Variants in LAMA3 observed in about 807,000 individuals in gnomAD.
LAMA3 encodes laminin subunit alpha 3.
Under a neutral mutation model 402.0 loss-of-function variants are expected in LAMA3, and 281 were observed. The observed-to-expected ratio is 0.70, with a 90% CI of 0.63 to 0.77. The LOEUF (loss-of-function observed/expected upper bound fraction) is 0.77, where lower values mean the gene tolerates loss of function less well. Ranked by LOEUF, LAMA3 falls within the 30% of genes least tolerant of loss-of-function variation. The pLI, the probability that LAMA3 is intolerant of heterozygous loss-of-function variation, is 0.00. For synonymous variants in LAMA3, 1,431 were observed against 1,558.4 expected (o/e 0.92, Z 1.93); for missense variants, 3,840 against 4,215.5 (o/e 0.91, Z 2.47).
At chr18:23,727,380 C>T (rs1307201950) in intron 2 of LAMA3, among the ~76,000 whole-genome samples, 1 of 151,736 alleles carries the variant, frequency 6.6e-6, no homozygotes, top group African/African-American at 2.4e-5. Flanking sequence ...GGCTGGAGGG[C>T]GGTGGCATGA....
intron 38 of LAMA3, among the ~76,000 whole-genome samples, chr18:23,875,969 G>T (rs2064695859): frequency 6.6e-6 from 1 of 152,170 alleles, no homozygotes; most frequent in African/African-American, 2.4e-5. Context: ...ATGACAGGTG[G>T]TTGAAATTAA....
At chr18:23,899,152 C>T (rs1232284197) in intron 46 of LAMA3, 87 bp downstream of exon 46, 1 of 1,299,268 alleles carries the variant, frequency 7.7e-7, no homozygotes, top group Non-Finnish European at 1.1e-6. Flanking sequence ...AAGATTTCAA[C>T]ATTATGAAAA....
chr18:23,838,894 C>G lies in LAMA3; in HGVS notation c.3191+16C>G. The stretch of plus-strand genomic sequence containing the variant: ...TCAATCAAAGGTAATGTGTTTCCTT[C>G]CTGTCTCCCCGTTCATGTTCTGAGT... On this transcript the variant is annotated intron_variant, in intron 26 of 74. Transcript: ENST00000313654. 7.0e-7 allele frequency: 1 copy of G among 1,432,810 alleles called. No individual in the cohort carries two copies. Among genetic ancestry groups the G allele is most frequent in the South Asian group, 1.1e-5 (1 of 87,300 alleles). The allele number at this position is 1,432,810 out of a possible 1,614,324, so 88.8% of individuals were successfully genotyped here. A position where few individuals can be genotyped will look rare whatever the true frequency, so the allele number is the denominator to read the frequency against.
chr18:23,704,497 A>G (rs1421973979), intron 1 of LAMA3, among the ~76,000 whole-genome samples: 1 of 152,230 alleles, frequency 6.6e-6, no homozygotes. Context: ...ATACTTTGAT[A>G]TAAAGTTCAC....
Position 23,909,840 on chromosome 18 carries a change from T to A in LAMA3, c.7158+545T>A, listed in dbSNP as rs1239109407. Among the ~76,000 whole-genome samples the A allele has an allele frequency of 2.0e-5, 3 of 152,348 alleles. No homozygotes were observed. In the East Asian group the frequency reaches 5.8e-4, roughly 29 times the overall value. Reference sequence around the variant, plus strand: ...GTCCTAAAATGGCATAAATACAATTTCTTATATTTTCCAATAACTCCTAGA... The same window carrying A: ...GTCCTAAAATGGCATAAATACAATTACTTATATTTTCCAATAACTCCTAGA... On this transcript the variant is annotated intron_variant, in intron 55 of 74. Transcript: ENST00000313654.
At chr18:23,736,249 T>C (rs1189221421) in intron 2 of LAMA3, among the ~76,000 whole-genome samples, 1 of 150,748 alleles carries the variant, frequency 6.6e-6, no homozygotes, top group Admixed American at 6.6e-5. Flanking sequence ...TTAATGTATG[T>C]ATTTTTAGAC....
chr18:23,805,696 CT>C (rs2062949816), intron 12 of LAMA3, among the ~76,000 whole-genome samples: 1 of 152,202 alleles, frequency 6.6e-6, no homozygotes, highest in African/African-American at 2.4e-5. Context: ...CATTTTGGGT[CT>C]TCTAGAATTG....
At chr18:23,871,060 G>A (rs928874289) in intron 37 of LAMA3, among the ~76,000 whole-genome samples, 3 of 152,208 alleles carry the variant, frequency 2.0e-5, no homozygotes, top group East Asian at 1.9e-4. Context: ...CGATGTGTAC[G>A]TTTAATGAAT....
At position 23,816,444 on chromosome 18, in the gene LAMA3, G is replaced by A. The variant is rs770599431; in HGVS notation, c.2104G>A (p.Val702Met). 1.9e-6 allele frequency: 3 copies of A among 1,614,020 alleles called. No homozygotes were observed. The African/African-American group carries it at 4.0e-5, about 22-fold the overall frequency. Reference protein sequence around the residue: ...LSSMCSGPSGVCQCREHVVGK... With the variant: ...LSSMCSGPSGMCQCREHVVGK... ...CTCCATGTGCAGTGGGCCCTCGGGA[G>A]TGTGCCAGTGCCGAGAGCATGTCGT... The change falls in exon 18 of 75, where the codon GTG (valine) becomes ATG (methionine). Residue 702 changes from valine to methionine, a missense_variant. This residue lies in a region of LAMA3 where 2,109 missense variants were observed against 2,376.0 expected (regional missense o/e 0.89). Coordinates refer to ENST00000313654, the MANE Select transcript of LAMA3 (RefSeq NM_198129.4).
At chr18:23,876,431 C>T (rs777927007) in intron 39 of LAMA3, 24 bp downstream of exon 39, 16 of 1,426,188 alleles carry the variant, frequency 1.1e-5, no homozygotes, top group Non-Finnish European at 1.5e-5. Context: ...CACTTTAATG[C>T]TATCAGCAGA....
chr18:23,817,675 A>T (rs2063203005), intron 18 of LAMA3, among the ~76,000 whole-genome samples: 1 of 151,992 alleles, frequency 6.6e-6, no homozygotes, highest in Admixed American at 6.6e-5. Flanking sequence ...TGATTGCATC[A>T]CTGCACTACA....
chr18:23,702,021 G>GGA (rs917423687), intron 1 of LAMA3, among the ~76,000 whole-genome samples: 4 of 151,582 alleles, frequency 2.6e-5, no homozygotes, highest in Admixed American at 1.3e-4. Context: ...GAGAGAGAGA[G>GGA]GAGAGAGAGA....
intron 3 of LAMA3, among the ~76,000 whole-genome samples, chr18:23,748,681 GC>G (rs923519223): frequency 6.6e-6 from 1 of 151,566 alleles, no homozygotes; most frequent in African/African-American, 2.4e-5. Context: ...TGTGGTCCCA[GC>G]TACTCGGGAG....
chr18:23,931,264 A>G (rs2082155157), intron 65 of LAMA3, 63 bp downstream of exon 65: 1 of 1,518,516 alleles, frequency 6.6e-7, no homozygotes, highest in Non-Finnish European at 9.1e-7. Flanking sequence ...GTTTAATGGA[A>G]TTTTCTGGTG....
chr18:23,910,947 A>T (rs1411055904), intron 55 of LAMA3, among the ~76,000 whole-genome samples: 2 of 152,224 alleles, frequency 1.3e-5, no homozygotes, highest in African/African-American at 2.4e-5. Flanking sequence ...GGGAATTTGC[A>T]TGGGAATCCA....
intron 37 of LAMA3, among the ~76,000 whole-genome samples, chr18:23,868,643 T>G (rs755094993): frequency 5.3e-5 from 8 of 152,162 alleles, no homozygotes; most frequent in Non-Finnish European, 1.2e-4. Context: ...ACCTGTGAGC[T>G]TATAAATGCT....
intron 12 of LAMA3, among the ~76,000 whole-genome samples, chr18:23,795,569 T>C (rs964168326): frequency 1.3e-5 from 2 of 152,220 alleles, no homozygotes; most frequent in Non-Finnish European, 2.9e-5. Flanking sequence ...GTTAATAGTT[T>C]GGTGGTTAGA....
chr18:23,888,905 C>G (rs1231798392), intron 41 of LAMA3, among the ~76,000 whole-genome samples: 1 of 149,582 alleles, frequency 6.7e-6, no homozygotes, highest in Non-Finnish European at 1.5e-5. Context: ...GACATCCCAA[C>G]TCCAGGAGCA....
chr18:23,695,796 C>CAAAAAAAAAAAA (rs58873998), intron 1 of LAMA3, among the ~76,000 whole-genome samples: 9 of 38,640 alleles, frequency 2.3e-4, no homozygotes, highest in East Asian at 1.6e-3. Flanking sequence ...GACTCCATCT[C>CAAAAAAAAAAAA]AAAAAAAAAA....
Sources: allele counts gnomAD v4.1 joint callset (sites outside exome capture counted in the v4.1 genomes callset), GRCh38; gene constraint gnomAD v4.1.1; regional missense constraint gnomAD v4.1.1; transcripts MANE v1.5; gene names NCBI Gene and HGNC (gene_info 2026-07-23, HGNC 2026-07-21).